DOP1A: variants seen among roughly 807,000 people sequenced by gnomAD.
DOP1A encodes protein DOP1A.
DOP1A carries 90 observed loss-of-function variants against 267.6 expected under a neutral mutation model. The ratio of observed to expected loss-of-function variants is 0.34; its 90% CI spans 0.28 to 0.40. The LOEUF is 0.40. DOP1A is among the 10% of genes least tolerant of loss of function. DOP1A has a pLI of 1.00. For synonymous variants in DOP1A, 932 were observed against 999.1 expected (o/e 0.93, Z 1.27); for missense variants, 2,437 against 2,900.4 (o/e 0.84, Z 3.67).
intron 3 of DOP1A, among the ~76,000 whole-genome samples, chr6:83,098,735 G>A (rs1247232416): frequency 6.6e-6 from 1 of 152,034 alleles, no homozygotes; most frequent in Non-Finnish European, 1.5e-5. Context: ...CAGCTGGCCT[G>A]GACACTCTCT....
At chr6:83,101,008 A>G (rs761103302) in intron 4 of DOP1A, 122 bp downstream of exon 4, 1 of 572,870 alleles carries the variant, frequency 1.7e-6, no homozygotes. Flanking sequence ...AAGTTTTCAG[A>G]TATCAATCTT....
intron 15 of DOP1A, among the ~76,000 whole-genome samples, chr6:83,128,333 C>T (rs1294807740): frequency 6.6e-6 from 1 of 152,200 alleles, no homozygotes; most frequent in Admixed American, 6.5e-5. Flanking sequence ...GTAATTCTCT[C>T]ATCTTCCCCT....
At chr6:83,103,187 T>A (rs999056015) in intron 4 of DOP1A, among the ~76,000 whole-genome samples, 4 of 152,192 alleles carry the variant, frequency 2.6e-5, no homozygotes, top group African/African-American at 4.8e-5. Flanking sequence ...GCATTCACAG[T>A]AACCTGAATG....
At chr6:83,149,722 A>T (rs965471020) in intron 27 of DOP1A, among the ~76,000 whole-genome samples, 3 of 152,046 alleles carry the variant, frequency 2.0e-5, no homozygotes. Context: ...TTCAAGTGGG[A>T]AGTGTGGGGA....
intron 7 of DOP1A, among the ~76,000 whole-genome samples, chr6:83,118,071 AAC>A (rs1487078279): frequency 6.6e-6 from 1 of 152,186 alleles, no homozygotes; most frequent in Non-Finnish European, 1.5e-5. Context: ...ACTTAGCCAA[AAC>A]CTCAAGAACC....
intron 1 of DOP1A, among the ~76,000 whole-genome samples, chr6:83,072,466 CT>C (rs1785784712): frequency 6.6e-6 from 1 of 152,020 alleles, no homozygotes; most frequent in Non-Finnish European, 1.5e-5. Flanking sequence ...ATATAAGGTT[CT>C]GGGATACAAC....
chr6:83,075,451 A>G (rs759488320), intron 1 of DOP1A, among the ~76,000 whole-genome samples: 1 of 152,214 alleles, frequency 6.6e-6, no homozygotes, highest in Non-Finnish European at 1.5e-5. Context: ...TGTTAGGGGA[A>G]TGGTGGAATG....
rs1306872708 is a variant in DOP1A, at chr6:83,139,063, T to G, written c.5021T>G (p.Val1674Gly). 6 of 1,613,960 alleles carry G rather than the reference T, an allele frequency of 3.7e-6. No homozygotes were observed. Among genetic ancestry groups the G allele is most frequent in the African/African-American group, 1.3e-5 (1 of 74,936 alleles). ...TCTACTCTGCCTTACATGGGAAAAGTTCTGCAGAGAGTGGTTGTTTCTGTG... is the reference window on the plus strand; with the variant it reads ...TCTACTCTGCCTTACATGGGAAAAGGTCTGCAGAGAGTGGTTGTTTCTGTG... Reference protein sequence around the residue: ...ITSTLPYMGKVLQRVVVSVTL... With the variant: ...ITSTLPYMGKGLQRVVVSVTL... The change falls in exon 21 of 39, where the codon GTT becomes GGT. Residue 1674 changes from valine to glycine, a missense_variant. Physicochemically the swap from Val to Gly is moderately radical, Grantham distance 109 (BLOSUM62 -3). This residue lies in a region of DOP1A where 307 missense variants were observed against 308.6 expected (regional missense o/e 0.99). Transcript: ENST00000349129.
rs73749714 is a variant in DOP1A at position 83,139,855 on chromosome 6, C to T, written c.5121-145C>T. Reference sequence around the variant, plus strand: ...TTTTATAGATTAGGAAATAAAAGCCCCTGATTTATTCTTTTAGCCATTTGT... The same window carrying T: ...TTTTATAGATTAGGAAATAAAAGCCTCTGATTTATTCTTTTAGCCATTTGT... On this transcript the variant is annotated intron_variant, in intron 21 of 38. Coordinates refer to ENST00000349129, the MANE Select transcript of DOP1A (RefSeq NM_015018.4). 3,847 of 557,362 alleles carry T rather than the reference C, an allele frequency of 6.9e-3. 126 individuals are homozygous for T. Among genetic ancestry groups the T allele is most frequent in the African/African-American group, 0.065 (3,412 of 52,530 alleles). The allele number at this position is 557,362 out of a possible 1,614,324, so 34.5% of individuals were successfully genotyped here.
At position 83,168,218 on chromosome 6, in the gene DOP1A, C is replaced by T. The variant is rs759804699; in HGVS notation, c.*51C>T. On this transcript the variant is annotated 3_prime_UTR_variant, in exon 39 of 39. Transcript: ENST00000349129. ...TACATGTAAATGTAATTATTTAAAA[C>T]ACACACACTGCTCTGCGTTGTATAG... 6.4e-6 allele frequency: 10 copies of T among 1,559,330 alleles called. No homozygotes were observed. The South Asian group carries it at 8.7e-5, about 14-fold the overall frequency.
Position 83,125,696 on chromosome 6 carries a change from G to T in DOP1A, c.1682G>T (p.Gly561Val). The T allele has an allele frequency of 1.9e-6, 3 of 1,613,046 alleles. No individual in the cohort carries two copies. In the East Asian group the frequency reaches 6.7e-5, roughly 36 times the overall value. The change falls in exon 15 of 39, where the codon GGG (glycine) becomes GTG (valine). Residue 561 changes from glycine (G) to valine (V), a missense_variant. This residue lies in a region of DOP1A where 498 missense variants were observed against 513.5 expected (regional missense o/e 0.97). Coordinates refer to ENST00000349129, the MANE Select transcript of DOP1A (RefSeq NM_015018.4). ...GGAGGTGTTTTGCAGTTTCCAAGTG[G>T]GCAGAACAATTCAGTCAAAGAGTGG... The part of the protein sequence containing the change: ...STGGVLQFPS[G>V]QNNSVKEWED...
At chr6:83,120,450 T>G (rs1439133212) in intron 9 of DOP1A, among the ~76,000 whole-genome samples, 2 of 151,916 alleles carry the variant, frequency 1.3e-5, no homozygotes, top group Non-Finnish European at 2.9e-5. Flanking sequence ...CTAAATTTTC[T>G]TTGATATTCC....
chr6:83,143,398 A>G (rs1015592167), intron 24 of DOP1A, among the ~76,000 whole-genome samples: 3 of 152,178 alleles, frequency 2.0e-5, no homozygotes, highest in Non-Finnish European at 4.4e-5. Flanking sequence ...AATATTAGCT[A>G]TATTATTCCT....
intron 1 of DOP1A, among the ~76,000 whole-genome samples, chr6:83,086,984 G>T (rs182044751): frequency 6.8e-4 from 103 of 152,256 alleles, no homozygotes; most frequent in Admixed American, 2.4e-3. Flanking sequence ...GACAGGAAAA[G>T]AAACTGATAG....
chr6:83,129,386 C>A lies in DOP1A; in HGVS notation c.2219C>A (p.Ser740Tyr). 1 of 1,611,518 alleles carries A rather than the reference C, an allele frequency of 6.2e-7. No individual in the cohort carries two copies. The highest frequency in any genetic ancestry group is 8.5e-7 in the Non-Finnish European group (1 of 1,179,230). ...KEKNISKQKT[S>Y]KEYLSAFLAA... ...AAAAACATAAGTAAACAAAAAACTT[C>A]TAAAGAATACCTGTCTGCCTTCCTT... The change falls in exon 16 of 39, where the codon TCT becomes TAT. Residue 740 changes from serine to tyrosine, a missense_variant. Ser to Tyr is a moderately radical substitution (Grantham distance 144, BLOSUM62 -2). Coordinates refer to ENST00000349129, the MANE Select transcript of DOP1A (RefSeq NM_015018.4).
intron 38 of DOP1A, chr6:83,166,653 G>A (rs1241918968): frequency 3.3e-6 from 4 of 1,202,566 alleles, no homozygotes; most frequent in Non-Finnish European, 4.3e-6. Flanking sequence ...TTTCAACAAT[G>A]CAAAAACCGC....
chr6:83,120,464 A>G (rs902516043), intron 9 of DOP1A, among the ~76,000 whole-genome samples: 6 of 151,882 alleles, frequency 4.0e-5, no homozygotes, highest in African/African-American at 1.4e-4. Context: ...ATATTCCACT[A>G]TGTCTAAAGA....
intron 1 of DOP1A, among the ~76,000 whole-genome samples, chr6:83,087,429 A>C (rs913694390): frequency 2.6e-5 from 4 of 152,170 alleles, no homozygotes; most frequent in Non-Finnish European, 4.4e-5. Context: ...ACAAAAAAAA[A>C]CATGTAGTTG....
chr6:83,145,719 G>C, intron 25 of DOP1A, 61 bp downstream of exon 25: 1 of 1,556,462 alleles, frequency 6.4e-7, no homozygotes, highest in Non-Finnish European at 8.7e-7. Flanking sequence ...ATGCTGGTAA[G>C]ATTTTTTTTT....
Sources: allele counts gnomAD v4.1 joint callset (sites outside exome capture counted in the v4.1 genomes callset), GRCh38; gene constraint gnomAD v4.1.1; regional missense constraint gnomAD v4.1.1; transcripts MANE v1.5; gene names NCBI Gene and HGNC (gene_info 2026-07-23, HGNC 2026-07-21).